PDE5A: variants seen among roughly 807,000 people sequenced by gnomAD.
PDE5A encodes cGMP-specific 3',5'-cyclic phosphodiesterase.
In PDE5A, 67 loss-of-function variants were observed where a neutral mutation model predicts 110.2. That is an observed-to-expected ratio of 0.61 (90% CI 0.50 to 0.75). The LOEUF (loss-of-function observed/expected upper bound fraction) is 0.75, where lower values mean the gene tolerates loss of function less well. PDE5A is among the 30% of genes least tolerant of loss of function. The pLI is 0.00. For missense variants in PDE5A, 862 were observed against 1,045.1 expected, an observed-to-expected ratio of 0.82 and a Z score of 2.42; for synonymous variants, 328 against 351.2, an observed-to-expected ratio of 0.93 and a Z score of 0.74.
intron 1 of PDE5A, among the ~76,000 whole-genome samples, chr4:119,614,560 G>A (rs12502511): frequency 0.79 from 120,320 of 152,014 alleles, 47,965 homozygotes; most frequent in East Asian, 0.9. Flanking sequence ...GCGCACAAAG[G>A]ACTACCACAA....
intron 3 of PDE5A, chr4:119,569,575 C>G (rs892889919): frequency 6.6e-6 from 1 of 151,422 alleles, no homozygotes; most frequent in Non-Finnish European, 1.5e-5. Context: ...TTGTATCCAA[C>G]TGTGATAGAA....
intron 9 of PDE5A, among the ~76,000 whole-genome samples, chr4:119,543,513 T>A (rs1379441555): frequency 1.3e-5 from 2 of 152,340 alleles, no homozygotes; most frequent in African/African-American, 4.8e-5. Flanking sequence ...TCCAGTCTTC[T>A]CAATTTATTC....
At chr4:119,526,051 A>G (rs1366113698) in intron 11 of PDE5A, among the ~76,000 whole-genome samples, 1 of 152,136 alleles carries the variant, frequency 6.6e-6, no homozygotes, top group Non-Finnish European at 1.5e-5. Flanking sequence ...TTGAGTAAAT[A>G]TTCTGGAACC....
At chr4:119,609,543 T>C (rs1053192783) in intron 1 of PDE5A, among the ~76,000 whole-genome samples, 2 of 152,216 alleles carry the variant, frequency 1.3e-5, no homozygotes, top group African/African-American at 4.8e-5. Context: ...TGAACAATGA[T>C]GTATTATTTG....
At chr4:119,519,938 A>C (rs745841303) in intron 13 of PDE5A, among the ~76,000 whole-genome samples, 9 of 152,138 alleles carry the variant, frequency 5.9e-5, no homozygotes, top group Non-Finnish European at 1.0e-4. Context: ...TGGAGCACCA[A>C]TAAGTCTCAA....
At chr4:119,553,909 T>C (rs143577940) in intron 7 of PDE5A, among the ~76,000 whole-genome samples, 163 bp from the exon 8 acceptor site, 189 of 152,312 alleles carry the variant, frequency 1.2e-3, no homozygotes, top group Non-Finnish European at 2.0e-3. Flanking sequence ...TTTACAACTT[T>C]GTCAGTTACC....
At chr4:119,578,030 T>G (rs1728430472) in intron 3 of PDE5A, among the ~76,000 whole-genome samples, 1 of 152,106 alleles carries the variant, frequency 6.6e-6, no homozygotes, top group South Asian at 2.1e-4. Flanking sequence ...ACAAGCATTC[T>G]CATACACCAA....
At chr4:119,521,165 T>C (rs1726114896) in intron 12 of PDE5A, 105 bp from the exon 13 acceptor site, 1 of 1,148,882 alleles carries the variant, frequency 8.7e-7, no homozygotes, top group Admixed American at 2.3e-5. Context: ...GATACTCCGA[T>C]TTGGATCATC....
chr4:119,511,720 A>T (rs1725749967), intron 14 of PDE5A, among the ~76,000 whole-genome samples: 1 of 152,092 alleles, frequency 6.6e-6, no homozygotes, highest in Non-Finnish European at 1.5e-5. Flanking sequence ...AAAGTTCCCC[A>T]TGTAGGATCC....
chr4:119,588,795 G>C (rs1011777346), intron 3 of PDE5A, among the ~76,000 whole-genome samples: 1 of 152,046 alleles, frequency 6.6e-6, no homozygotes, highest in African/African-American at 2.4e-5. Context: ...GATACTTTTT[G>C]AATCTTTTTA....
chr4:119,582,823 A>G (rs1266681494), intron 3 of PDE5A, among the ~76,000 whole-genome samples: 2 of 152,230 alleles, frequency 1.3e-5, no homozygotes, highest in African/African-American at 2.4e-5. Flanking sequence ...ATTTTCCCTG[A>G]GCACTAGGTC....
At chr4:119,567,188 ATT>A in intron 3 of PDE5A, 44 bp from the exon 4 acceptor site, 1 of 1,388,714 alleles carries the variant, frequency 7.2e-7, no homozygotes, top group Non-Finnish European at 1.0e-6. Context: ...ATTGACTGAA[ATT>A]ACTTGTAAAA....
intron 2 of PDE5A, among the ~76,000 whole-genome samples, chr4:119,602,915 T>A (rs3756155): frequency 0.11 from 16,651 of 152,218 alleles, 1,073 homozygotes; most frequent in Non-Finnish European, 0.15. Context: ...ACATGGAGTG[T>A]CTGTCCTGGA....
chr4:119,579,824 A>G (rs1346159118), intron 3 of PDE5A, among the ~76,000 whole-genome samples: 1 of 145,376 alleles, frequency 6.9e-6, no homozygotes, highest in Non-Finnish European at 1.5e-5. Flanking sequence ...CATGTACCCT[A>G]AAACTTAAAG....
At chr4:119,577,659 A>G (rs909326910) in intron 3 of PDE5A, among the ~76,000 whole-genome samples, 1 of 152,228 alleles carries the variant, frequency 6.6e-6, no homozygotes, top group Admixed American at 6.5e-5. Context: ...AAAACTCTCA[A>G]TAAATTAGGT....
chr4:119,529,077 T>C (rs1726433179), intron 11 of PDE5A, among the ~76,000 whole-genome samples: 1 of 152,024 alleles, frequency 6.6e-6, no homozygotes, highest in Admixed American at 6.6e-5. Flanking sequence ...ATTGCAATAA[T>C]GTTCTAAATT....
chr4:119,567,155 G>C lies in PDE5A; in HGVS notation c.832-11C>G, dbSNP rs1727970713. On this transcript the variant is annotated splice_polypyrimidine_tract_variant and intron_variant, in intron 3 of 20. Coordinates refer to ENST00000354960, the MANE Select transcript of PDE5A (RefSeq NM_001083.4). Reference sequence around the variant, plus strand: ...GGCTACACCAACAACCTGGTATAAGGAGAGAAAAGCGACAATTTTTTTATT... The same window carrying C: ...GGCTACACCAACAACCTGGTATAAGCAGAGAAAAGCGACAATTTTTTTATT... 1 of 1,602,318 alleles carries C rather than the reference G, an allele frequency of 6.2e-7. No individual in the cohort carries two copies. Among genetic ancestry groups the C allele is most frequent in the African/African-American group, 1.3e-5 (1 of 74,460 alleles).
chr4:119,537,335 A>C (rs771657946), intron 11 of PDE5A, among the ~76,000 whole-genome samples: 1 of 152,070 alleles, frequency 6.6e-6, no homozygotes, highest in African/African-American at 2.4e-5. Context: ...TACCTTTTGC[A>C]GTTTCACTTC....
intron 1 of PDE5A, among the ~76,000 whole-genome samples, chr4:119,609,153 C>T (rs1729649858): frequency 1.3e-5 from 2 of 150,966 alleles, no homozygotes; most frequent in Admixed American, 1.3e-4. Flanking sequence ...CAGTTCGAGA[C>T]TCCGTCTCAA....
Sources: allele counts gnomAD v4.1 joint callset (sites outside exome capture counted in the v4.1 genomes callset), GRCh38; gene constraint gnomAD v4.1.1; transcripts MANE v1.5; gene names NCBI Gene and HGNC (gene_info 2026-07-23, HGNC 2026-07-21).